SSBP2: variants seen among roughly 807,000 people sequenced by gnomAD.
SSBP2 encodes single stranded DNA binding protein 2.
Under a neutral mutation model 61.8 loss-of-function variants are expected in SSBP2, and 17 were observed. The observed-to-expected ratio is 0.28, with a 90% CI of 0.19 to 0.41. The LOEUF (loss-of-function observed/expected upper bound fraction) is 0.41, where lower values mean the gene tolerates loss of function less well. Among genes scored for constraint, SSBP2 ranks in the 10% least tolerant of loss-of-function variants. The pLI is 1.00. For missense variants in SSBP2, 310 were observed against 458.7 expected (o/e 0.68, Z 2.96); for synonymous variants, 139 against 141.3 (o/e 0.98, Z 0.12).
At chr5:81,592,913 A>C (rs988521686) in intron 4 of SSBP2, among the ~76,000 whole-genome samples, 18 of 152,196 alleles carry the variant, frequency 1.2e-4, no homozygotes, top group African/African-American at 4.1e-4. Context: ...GAAAAACTGG[A>C]AACTCTAAAA....
intron 4 of SSBP2, among the ~76,000 whole-genome samples, chr5:81,579,978 C>T (rs1400216951): frequency 6.6e-6 from 1 of 151,918 alleles, no homozygotes; most frequent in Non-Finnish European, 1.5e-5. Context: ...TCTGATTGTA[C>T]TTAATTTGTT....
rs529238045 is a variant in SSBP2 at position 81,569,782 on chromosome 5, G to A, written c.282+45691C>T. On this transcript the variant is annotated intron_variant, in intron 4 of 16. Transcript: ENST00000320672. The stretch of plus-strand genomic sequence containing the variant: ...CTCACAGGTAGCTGGAATAACAGCT[G>A]TTGGTGAATAGTCCTAGTCACTAGA... Among the ~76,000 whole-genome samples the A allele has an allele frequency of 1.2e-4, 18 of 152,316 alleles. No homozygotes were observed. In the South Asian group the frequency reaches 3.5e-3, roughly 30 times the overall value.
At chr5:81,599,175 G>A (rs1041023290) in intron 4 of SSBP2, among the ~76,000 whole-genome samples, 60 of 152,084 alleles carry the variant, frequency 3.9e-4, no homozygotes, top group African/African-American at 1.4e-3. Context: ...TGGGAAGGAT[G>A]ACGAATACTC....
At chr5:81,586,692 G>T (rs1273929252) in intron 4 of SSBP2, among the ~76,000 whole-genome samples, 1 of 150,832 alleles carries the variant, frequency 6.6e-6, no homozygotes, top group African/African-American at 2.5e-5. Flanking sequence ...GACCTTGCAT[G>T]CAAGGCTGGT....
chr5:81,480,748 T>C (rs993244402), intron 6 of SSBP2, among the ~76,000 whole-genome samples: 3 of 152,242 alleles, frequency 2.0e-5, no homozygotes, highest in Admixed American at 6.5e-5. Context: ...GTTTATTGCA[T>C]CGATGGACTC....
intron 1 of SSBP2, among the ~76,000 whole-genome samples, chr5:81,655,112 G>A (rs985568692): frequency 9.9e-5 from 15 of 151,912 alleles, no homozygotes; most frequent in Non-Finnish European, 2.1e-4. Flanking sequence ...ATCCATCATC[G>A]TCCTCCAGCA....
chr5:81,539,532 T>C (rs905638900), intron 4 of SSBP2, among the ~76,000 whole-genome samples: 3 of 152,192 alleles, frequency 2.0e-5, no homozygotes, highest in African/African-American at 7.2e-5. Context: ...TCAAACAGTA[T>C]TGTATGCTAT....
At chr5:81,560,851 A>G (rs762318468) in intron 4 of SSBP2, among the ~76,000 whole-genome samples, 5 of 152,198 alleles carry the variant, frequency 3.3e-5, no homozygotes, top group Admixed American at 6.5e-5. Context: ...ATACATACAC[A>G]TTGTGGTGAG....
At chr5:81,702,552 C>A (rs913148323) in intron 1 of SSBP2, among the ~76,000 whole-genome samples, 1 of 152,184 alleles carries the variant, frequency 6.6e-6, no homozygotes, top group Admixed American at 6.5e-5. Context: ...AAACACAATG[C>A]CATAAGTTCT....
rs139666198 is a variant in SSBP2, at chr5:81,674,847, A to G, written c.63-24508T>C. 2.1e-3 allele frequency among the ~76,000 whole-genome samples: 321 copies of G among 152,322 alleles called. 2 individuals carry two copies. The highest frequency in any genetic ancestry group is 6.4e-3 in the East Asian group (33 of 5,184). ...TATGCCACTTCAGTGTTTTCTTGGCATATCAAAACGTAATTTATAGACTGT... is the reference window on the plus strand; with the variant it reads ...TATGCCACTTCAGTGTTTTCTTGGCGTATCAAAACGTAATTTATAGACTGT... On this transcript the variant is annotated intron_variant, in intron 1 of 16. Coordinates refer to ENST00000320672, the MANE Select transcript of SSBP2 (RefSeq NM_012446.5).
intron 1 of SSBP2, among the ~76,000 whole-genome samples, chr5:81,712,742 GT>G (rs1173341718): frequency 1.7e-5 from 2 of 114,846 alleles, no homozygotes; most frequent in Non-Finnish European, 1.9e-5. Context: ...TTTTTTTTTT[GT>G]TTTTTTTGAC....
intron 1 of SSBP2, among the ~76,000 whole-genome samples, chr5:81,744,620 AAAC>A (rs1447387721): frequency 6.6e-6 from 1 of 152,086 alleles, no homozygotes; most frequent in Non-Finnish European, 1.5e-5. Flanking sequence ...AGAAAAAAAA[AAAC>A]AAAGGGCTAT....
intron 3 of SSBP2, among the ~76,000 whole-genome samples, chr5:81,628,180 G>A (rs1453075286): frequency 6.6e-6 from 1 of 152,214 alleles, no homozygotes; most frequent in East Asian, 1.9e-4. Context: ...GGCTGGGGAG[G>A]CCTCAGGAAG....
intron 6 of SSBP2, among the ~76,000 whole-genome samples, chr5:81,485,364 C>A (rs1290899428): frequency 6.6e-6 from 1 of 152,046 alleles, no homozygotes. Context: ...TATCATATTC[C>A]AATACCCAGT....
chr5:81,700,650 A>T (rs1753920273), intron 1 of SSBP2, among the ~76,000 whole-genome samples: 1 of 152,216 alleles, frequency 6.6e-6, no homozygotes, highest in Non-Finnish European at 1.5e-5. Context: ...TGTTTAGGGT[A>T]GCCTCACTCA....
intron 1 of SSBP2, among the ~76,000 whole-genome samples, chr5:81,726,082 C>T (rs1424846732): frequency 6.6e-6 from 1 of 151,940 alleles, no homozygotes; most frequent in South Asian, 2.1e-4. Context: ...AACATTAGTA[C>T]GAACATCTAT....
At chr5:81,612,153 A>G (rs1412708780) in intron 4 of SSBP2, among the ~76,000 whole-genome samples, 1 of 152,120 alleles carries the variant, frequency 6.6e-6, no homozygotes, top group African/African-American at 2.4e-5. Flanking sequence ...AGCTTTTTGT[A>G]TGTCAATCAT....
At position 81,505,493 on chromosome 5, in the gene SSBP2, T is replaced by C. The variant is rs749128736; in HGVS notation, c.372+8135A>G. ...CTTATCTTTAATTCCCCAAAGAATG[T>C]GGAGCATTTTTGTTTCTGTAACCAA... On this transcript the variant is annotated intron_variant, in intron 5 of 16. Transcript: ENST00000320672. Among the ~76,000 whole-genome samples the C allele has an allele frequency of 1.5e-3, 231 of 152,320 alleles. 6 individuals are homozygous for C. The highest frequency in any genetic ancestry group is 3.0e-3 in the Admixed American group (46 of 15,300).
intron 1 of SSBP2, among the ~76,000 whole-genome samples, chr5:81,714,044 C>T (rs748117557): frequency 6.6e-6 from 1 of 152,102 alleles, no homozygotes; most frequent in Non-Finnish European, 1.5e-5. Flanking sequence ...TATCCTAATG[C>T]TATCCCTCCC....
Sources: gnomAD v4.1 joint callset for allele counts (sites outside exome capture counted in the v4.1 genomes callset) on GRCh38, gnomAD v4.1.1 for gene constraint, MANE v1.5 for transcripts, NCBI Gene and HGNC (gene_info 2026-07-23, HGNC 2026-07-21) for gene names.